STXBP3: variants seen among roughly 807,000 people sequenced by gnomAD.
STXBP3 encodes the protein syntaxin binding protein 3, also known as syntaxin-binding protein 3.
In STXBP3, 41 loss-of-function variants were observed where a neutral mutation model predicts 85.7. The observed-to-expected ratio is 0.48, with a 90% CI of 0.37 to 0.62. STXBP3 has a LOEUF of 0.62. Among genes scored for constraint, STXBP3 ranks in the 20% least tolerant of loss-of-function variants. The pLI is 0.00. For synonymous variants in STXBP3, 229 were observed against 231.7 expected (o/e 0.99, Z 0.10); for missense variants, 563 against 703.1 (o/e 0.80, Z 2.25).
rs2101102201 is a variant in STXBP3 at position 108,753,190 on chromosome 1, G to A, written c.181+46G>A. On this transcript the variant is annotated intron_variant, in intron 3 of 18. Coordinates refer to ENST00000370008, the MANE Select transcript of STXBP3 (RefSeq NM_007269.4). ...GAACACTTTTTAATTGTAATTGGGG[G>A]AGATCTGAGGTATTAAATTTTAGTT... is the stretch of plus-strand genomic sequence containing the variant. The A allele has an allele frequency of 2.2e-6, 3 of 1,339,220 alleles. No homozygotes were observed. In the East Asian group the frequency reaches 7.8e-5, roughly 35 times the overall value. The allele number at this position is 1,339,220 out of a possible 1,614,324, so 83.0% of individuals were successfully genotyped here.
intron 1 of STXBP3, 21 bp from the exon 2 acceptor site, chr1:108,752,236 A>G (rs756622031): frequency 1.7e-5 from 27 of 1,598,968 alleles, no homozygotes; most frequent in Non-Finnish European, 2.2e-5. Flanking sequence ...TTCCTAAGTA[A>G]TTCCTTTCTT....
At chr1:108,788,051 C>G (rs905260960) in intron 11 of STXBP3, among the ~76,000 whole-genome samples, 1 of 152,152 alleles carries the variant, frequency 6.6e-6, no homozygotes. Context: ...CTCAGCCTCT[C>G]GAAATGCTGA....
intron 8 of STXBP3, among the ~76,000 whole-genome samples, chr1:108,778,031 C>T (rs1354750236): frequency 6.6e-6 from 1 of 152,104 alleles, no homozygotes; most frequent in African/African-American, 2.4e-5. Flanking sequence ...ACAGGATAAG[C>T]ATTTTGTCCA....
At position 108,765,846 on chromosome 1, in the gene STXBP3, A is replaced by ATTT. The variant is rs1221460441; in HGVS notation, c.438+5783_438+5785dup. Among the ~76,000 whole-genome samples, 32 of 74,002 alleles carry ATTT rather than the reference A, an allele frequency of 4.3e-4. 1 individual carries two copies. Among genetic ancestry groups the ATTT allele is most frequent in the African/African-American group, 7.7e-4 (13 of 16,960 alleles). 48.5% of individuals were successfully genotyped at this position (74,002 alleles called of 152,430 possible). ...ACAGGTGTGAGCCACTGCTCCCGGC[A>ATTT]TTTTTTTTTTTTTTTTTTTTTTTTG... On this transcript the variant is annotated intron_variant, in intron 6 of 18. Transcript: ENST00000370008.
chr1:108,769,215 G>C (rs544860769), intron 6 of STXBP3, among the ~76,000 whole-genome samples: 144 of 152,256 alleles, frequency 9.5e-4, no homozygotes, highest in African/African-American at 3.3e-3. Context: ...TTATTATGAA[G>C]GTCTTCATTC....
intron 1 of STXBP3, 151 bp from the exon 2 acceptor site, chr1:108,752,106 T>C: frequency 1.6e-6 from 1 of 643,418 alleles, no homozygotes; most frequent in East Asian, 2.8e-5. Flanking sequence ...GTATTAGAAT[T>C]GGATTTTTCC....
rs1038736198 is a variant in STXBP3 at position 108,807,495 on chromosome 1, G to A, written c.1630G>A (p.Val544Met). ...FVIGGITYSE[V>M]RCAYEVSQAH... ...AATTGGAGGGATCACATACTCTGAA[G>A]TGCGTTGTGCTTATGAAGTTTCTCA... is the stretch of plus-strand genomic sequence containing the variant. The change falls in exon 18 of 19, where the codon GTG becomes ATG. Residue 544 changes from valine to methionine, a missense_variant. Transcript: ENST00000370008. 8 of 1,613,282 alleles carry A rather than the reference G, an allele frequency of 5.0e-6. No homozygotes were observed. Among genetic ancestry groups the A allele is most frequent in the South Asian group, 1.1e-5 (1 of 90,960 alleles).
chr1:108,791,143 A>G (rs148852227), intron 11 of STXBP3, among the ~76,000 whole-genome samples: 15 of 152,084 alleles, frequency 9.9e-5, no homozygotes, highest in African/African-American at 3.1e-4. Flanking sequence ...AAAGTTGGCA[A>G]TTTTTTTCCT....
chr1:108,784,000 T>TACTG (rs34256663), intron 11 of STXBP3, among the ~76,000 whole-genome samples: 106,373 of 151,516 alleles, frequency 0.7, 38,306 homozygotes, highest in Non-Finnish European at 0.77. Context: ...CTGTTTTTCT[T>TACTG]ATTTCTAGAA....
At chr1:108,764,754 G>A (rs186375231) in intron 6 of STXBP3, among the ~76,000 whole-genome samples, 1 of 152,030 alleles carries the variant, frequency 6.6e-6, no homozygotes. Flanking sequence ...GTAAATTTAA[G>A]TTCCTTATAG....
Position 108,772,802 on chromosome 1 carries a change from C to G in STXBP3, c.576C>G (p.Pro192=), listed in dbSNP as rs370136971. Residue 192 remains proline (P), a synonymous_variant, in exon 7 of 19, where the codon CCC becomes CCG. Transcript: ENST00000370008. ...VTVCATLDEN[P]GVRYKSKPLD... is the part of the protein sequence containing the mutation. ...TGTGTGCCACCTTGGATGAAAATCC[C>G]GGAGTAAGATATAAAAGGTAAGACA... 1 of 1,595,816 alleles carries G rather than the reference C, an allele frequency of 6.3e-7. No individual in the cohort carries two copies. The highest frequency in any genetic ancestry group is 1.7e-5 in the Admixed American group (1 of 58,134).
chr1:108,808,728 G>T, intron 18 of STXBP3, 55 bp from the exon 19 acceptor site: 1 of 1,375,274 alleles, frequency 7.3e-7, no homozygotes, highest in Middle Eastern at 1.8e-4. Flanking sequence ...TATATTAAGC[G>T]AAGGAAAATT....
Position 108,795,841 on chromosome 1 carries a change from A to G in STXBP3, c.1111-393A>G, listed in dbSNP as rs565966555. Among the ~76,000 whole-genome samples the G allele has an allele frequency of 1.2e-3, 176 of 152,300 alleles. 2 individuals carry two copies. Among genetic ancestry groups the G allele is most frequent in the African/African-American group, 3.8e-3 (159 of 41,580 alleles). On this transcript the variant is annotated intron_variant, in intron 13 of 18. Transcript: ENST00000370008. ...ATCAGTGTTCCATTAAAATTTGACAAGATTTAATAATAGATTTTGTGTGTT... is the reference window on the plus strand; with the variant it reads ...ATCAGTGTTCCATTAAAATTTGACAGGATTTAATAATAGATTTTGTGTGTT...
At chr1:108,796,528 T>G in intron 14 of STXBP3, 92 bp from the exon 15 acceptor site, 1 of 1,272,842 alleles carries the variant, frequency 7.9e-7, no homozygotes, top group Non-Finnish European at 1.1e-6. Context: ...GTTTTTTATT[T>G]TAAAAGCTTC....
chr1:108,791,047 G>C (rs1280941831), intron 11 of STXBP3, among the ~76,000 whole-genome samples: 1 of 152,116 alleles, frequency 6.6e-6, no homozygotes, highest in Non-Finnish European at 1.5e-5. Context: ...AGCTGGGTTA[G>C]ATTGAATTCT....
intron 17 of STXBP3, among the ~76,000 whole-genome samples, chr1:108,806,391 A>G (rs553183324): frequency 6.6e-6 from 1 of 152,166 alleles, no homozygotes; most frequent in East Asian, 1.9e-4. Flanking sequence ...TGGCTACTAT[A>G]TGGGATTCTG....
chr1:108,772,493 ATATC>A (rs201071848), intron 6 of STXBP3, among the ~76,000 whole-genome samples, 168 bp from the exon 7 acceptor site: 1,800 of 143,608 alleles, frequency 0.013, 73 homozygotes, highest in African/African-American at 0.035. Context: ...TAAATACATG[ATATC>A]TATCTATATA....
intron 11 of STXBP3, among the ~76,000 whole-genome samples, chr1:108,792,074 T>C (rs1180553370): frequency 6.6e-6 from 1 of 152,234 alleles, no homozygotes; most frequent in Non-Finnish European, 1.5e-5. Flanking sequence ...TTGGCAATTA[T>C]GAATAAAGCT....
chr1:108,750,887 GTTTAT>G (rs1661884989), intron 1 of STXBP3, among the ~76,000 whole-genome samples: 1 of 152,128 alleles, frequency 6.6e-6, no homozygotes, highest in South Asian at 2.1e-4. Flanking sequence ...ACTATTACCA[GTTTAT>G]TACAAAAGAT....
Sources: gnomAD v4.1 joint callset for allele counts (sites outside exome capture counted in the v4.1 genomes callset) on GRCh38, gnomAD v4.1.1 for gene constraint, MANE v1.5 for transcripts, NCBI Gene and HGNC (gene_info 2026-07-23, HGNC 2026-07-21) for gene names.